XKRX: variants seen among roughly 807,000 people sequenced by gnomAD.
XKRX encodes XK-related protein 2.
Under a neutral mutation model 22.4 loss-of-function variants are expected in XKRX, and 11 were observed. The ratio of observed to expected loss-of-function variants is 0.49; its 90% confidence interval spans 0.31 to 0.81. The LOEUF is 0.81. Ranked by LOEUF, XKRX falls within the 40% of genes least tolerant of loss-of-function variation. The pLI, the probability that XKRX is intolerant of heterozygous loss-of-function variation, is 0.05. For synonymous variants in XKRX, 114 were observed against 132.2 expected (o/e 0.86, Z 0.94); for missense variants, 320 against 336.5 (o/e 0.95, Z 0.38).
chrX:100,894,101 T>C, the XKRX span, among the ~76,000 whole-genome samples: 1 of 111,512 alleles, frequency 9.0e-6, no homozygotes, highest in East Asian at 2.8e-4. Context: ...ACCCCATCTC[T>C]ATTAAAAATA....
In XKRX at chrX:100,928,725, C is replaced by G; in HGVS notation, c.-421G>C. 1 of 773,504 alleles carries G rather than the reference C, an allele frequency of 1.3e-6. No individual in the cohort carries two copies. The allele number at this position is 773,504 out of a possible 1,213,427, so 63.7% of individuals were successfully genotyped here. On this transcript the variant is annotated 5_prime_UTR_variant, in exon 1 of 3. Coordinates refer to ENST00000372956, the MANE Select transcript of XKRX (RefSeq NM_212559.3). The stretch of plus-strand genomic sequence containing the variant: ...AGCCGATCTGTCGGGGGCACCGACA[C>G]TCAGCAGCTCCTCACAAAGAGTCCT...
At chrX:100,900,358 G>C in the XKRX span, among the ~76,000 whole-genome samples, 1 of 110,821 alleles carries the variant, frequency 9.0e-6, no homozygotes, top group Admixed American at 9.6e-5. Context: ...ATCACACCCA[G>C]CCCCAGTCCT....
At chrX:100,920,376 T>A (rs916175694) in intron 2 of XKRX, among the ~76,000 whole-genome samples, 7 of 110,959 alleles carry the variant, frequency 6.3e-5, no homozygotes, top group Non-Finnish European at 1.1e-4. Flanking sequence ...CAGTCCATTT[T>A]GGGGCAAAAA....
chrX:100,948,161 C>G, the XKRX span, among the ~76,000 whole-genome samples: 3 of 110,711 alleles, frequency 2.7e-5, no homozygotes, highest in African/African-American at 6.6e-5. Flanking sequence ...CCATCTCAGC[C>G]TACCAAATTG....
chrX:100,911,048 G>A (rs1311015169), downstream of XKRX: 1 of 556,202 alleles, frequency 1.8e-6, no homozygotes, highest in Non-Finnish European at 3.3e-6. Context: ...AAAAGAGAAG[G>A]TGGGAAAATG....
intron 2 of XKRX, among the ~76,000 whole-genome samples, chrX:100,921,331 C>T (rs769494874): frequency 3.6e-5 from 4 of 111,746 alleles, no homozygotes; most frequent in Admixed American, 9.5e-5. Context: ...AGCCATCATG[C>T]CCAGCCGTAA....
the XKRX span, among the ~76,000 whole-genome samples, chrX:100,895,727 A>C: frequency 8.9e-6 from 1 of 112,198 alleles, no homozygotes. Context: ...GAGAAGCAGA[A>C]AGATGAACAT....
the XKRX span, among the ~76,000 whole-genome samples, chrX:100,940,460 C>G: frequency 1.8e-5 from 2 of 111,480 alleles, no homozygotes; most frequent in Non-Finnish European, 3.8e-5. Flanking sequence ...GAAAGAAAAT[C>G]TGAATTTGTG....
intron 2 of XKRX, among the ~76,000 whole-genome samples, chrX:100,916,629 ATTGT>A (rs1214402946): frequency 2.7e-5 from 3 of 112,235 alleles, no homozygotes; most frequent in Non-Finnish European, 5.6e-5. Context: ...AGGAACTAAC[ATTGT>A]TTGTGTGTTT....
chrX:100,893,421 A>C, the XKRX span, among the ~76,000 whole-genome samples: 3 of 112,141 alleles, frequency 2.7e-5, no homozygotes, highest in East Asian at 8.4e-4. Flanking sequence ...TCCAAGAACT[A>C]AGAAGGGAAC....
downstream of XKRX, chrX:100,910,734 A>T: frequency 2.9e-6 from 2 of 685,559 alleles, no homozygotes; most frequent in Non-Finnish European, 4.5e-6. Context: ...AATATATTGA[A>T]TTACACTGTA....
chrX:100,956,599 G>C, the XKRX span: 1 of 497,055 alleles, frequency 2.0e-6, no homozygotes, highest in Non-Finnish European at 3.7e-6. Flanking sequence ...TGGAGATAAA[G>C]GCATGCAGTA....
chrX:100,917,192 C>T (rs188980563), intron 2 of XKRX, among the ~76,000 whole-genome samples: 5 of 110,231 alleles, frequency 4.5e-5, no homozygotes, highest in Non-Finnish European at 1.9e-5. Context: ...GGCTGAGGCA[C>T]GAGAATCACT....
chrX:100,888,936 C>G, the XKRX span, among the ~76,000 whole-genome samples: 1 of 110,757 alleles, frequency 9.0e-6, no homozygotes, highest in African/African-American at 3.3e-5. Context: ...AGAATATGAC[C>G]TTATTTGAAA....
chrX:100,907,939 C>CA, the XKRX span, among the ~76,000 whole-genome samples: 1 of 111,536 alleles, frequency 9.0e-6, no homozygotes, highest in Non-Finnish European at 1.9e-5. Context: ...GTTTTCTTGG[C>CA]AAAAAATAAA....
chrX:100,886,970 T>C, the XKRX span, among the ~76,000 whole-genome samples: 1 of 112,651 alleles, frequency 8.9e-6, no homozygotes, highest in Non-Finnish European at 1.9e-5. Flanking sequence ...TAATGGATGA[T>C]ACACAAGCTT....
intron 2 of XKRX, 97 bp downstream of exon 2, chrX:100,922,696 C>A: frequency 1.2e-6 from 1 of 852,861 alleles, no homozygotes; most frequent in South Asian, 3.1e-5. Flanking sequence ...GTTAAATAGC[C>A]ACATGAAGCT....
intron 2 of XKRX, 148 bp from the exon 3 acceptor site, chrX:100,915,231 T>C (rs780990255): frequency 1.3e-5 from 8 of 619,685 alleles, no homozygotes; most frequent in Non-Finnish European, 1.9e-5. Context: ...CACAGCTATG[T>C]AAACAAATAG....
Position 100,922,951 on chromosome X carries a change from A to G in XKRX, c.446T>C (p.Leu149Pro). 8.3e-7 allele frequency: 1 copy of G among 1,211,720 alleles called. No individual in the cohort carries two copies. Among genetic ancestry groups the G allele is most frequent in the Non-Finnish European group, 1.1e-6 (1 of 895,496 alleles). The change falls in exon 2 of 3, where the codon CTG (leucine) becomes CCG (proline). Residue 149 changes from leucine (L) to proline (P), a missense_variant. Physicochemically the swap from Leu to Pro is moderately conservative, Grantham distance 98. Transcript: ENST00000372956. Reference sequence around the variant, plus strand: ...GGAGTGGCCCACCTCCCATTCTATCAGCACCTCCTCGCCATCTATTAGCAT... The same window carrying G: ...GGAGTGGCCCACCTCCCATTCTATCGGCACCTCCTCGCCATCTATTAGCAT... ...KKMLIDGEEVLIEWEVGHSIR... is the reference protein window; with the variant it reads ...KKMLIDGEEVPIEWEVGHSIR...
Sources: allele counts gnomAD v4.1 joint callset (sites outside exome capture counted in the v4.1 genomes callset), GRCh38; gene constraint gnomAD v4.1.1; transcripts MANE v1.5; gene names NCBI Gene and HGNC (gene_info 2026-07-23, HGNC 2026-07-21).